Variants in SMARCC1 observed in about 807,000 individuals in gnomAD.
SMARCC1 encodes the protein SWI/SNF related BAF chromatin remodeling complex subunit C1.
In SMARCC1, 43 loss-of-function variants were observed where a neutral mutation model predicts 147.4. The ratio of observed to expected loss-of-function variants is 0.29; its 90% CI spans 0.23 to 0.38. The LOEUF is 0.38. Ranked by LOEUF, SMARCC1 falls within the 10% of genes least tolerant of loss-of-function variation. SMARCC1 has a pLI of 1.00. For missense variants in SMARCC1, 1,119 were observed against 1,381.1 expected (o/e 0.81, Z 3.01); for synonymous variants, 495 against 484.4 (o/e 1.02, Z -0.29).
intron 14 of SMARCC1, among the ~76,000 whole-genome samples, chr3:47,682,854 G>C (rs1010856092): frequency 4.6e-5 from 7 of 152,146 alleles, no homozygotes; most frequent in South Asian, 2.1e-4. Context: ...GCAAAATTGT[G>C]AATGTTTAAA....
intron 2 of SMARCC1, among the ~76,000 whole-genome samples, chr3:47,752,929 A>C (rs2034644168): frequency 6.6e-6 from 1 of 152,126 alleles, no homozygotes; most frequent in East Asian, 1.9e-4. Context: ...GCTTTTAATA[A>C]ACAATTCTAT....
At chr3:47,682,585 G>A (rs1325925126) in intron 14 of SMARCC1, among the ~76,000 whole-genome samples, 3 of 152,096 alleles carry the variant, frequency 2.0e-5, no homozygotes, top group Non-Finnish European at 2.9e-5. Context: ...GAAAAAGAAT[G>A]CCGGTTTCTC....
At chr3:47,684,881 C>A (rs2033701585) in intron 14 of SMARCC1, among the ~76,000 whole-genome samples, 1 of 152,022 alleles carries the variant, frequency 6.6e-6, no homozygotes, top group African/African-American at 2.4e-5. Context: ...ATACCTATGA[C>A]AAAGTTTAAT....
chr3:47,778,178 G>A (rs1249479759), intron 1 of SMARCC1, among the ~76,000 whole-genome samples: 4 of 118,884 alleles, frequency 3.4e-5, no homozygotes, highest in African/African-American at 6.8e-5. Context: ...GCAGAAGAGC[G>A]AGACTCCATC....
chr3:47,687,398 A>AG (rs2033738962), intron 13 of SMARCC1, among the ~76,000 whole-genome samples: 1 of 152,240 alleles, frequency 6.6e-6, no homozygotes, highest in South Asian at 2.1e-4. Context: ...AAACAGGAAG[A>AG]GGCTGGCATT....
At chr3:47,772,336 T>C (rs1219158902) in intron 2 of SMARCC1, among the ~76,000 whole-genome samples, 1 of 152,208 alleles carries the variant, frequency 6.6e-6, no homozygotes, top group Non-Finnish European at 1.5e-5. Context: ...AAGGCTGCAG[T>C]GCGCTGTGAT....
intron 25 of SMARCC1, among the ~76,000 whole-genome samples, chr3:47,618,441 G>T (rs936433547): frequency 6.6e-6 from 1 of 151,876 alleles, no homozygotes; most frequent in East Asian, 1.9e-4. Context: ...AGCTGCTTGG[G>T]GAGGCTGAGG....
intron 12 of SMARCC1, among the ~76,000 whole-genome samples, chr3:47,691,953 C>T (rs1007969468): frequency 2.0e-5 from 3 of 152,106 alleles, no homozygotes; most frequent in Admixed American, 6.6e-5. Flanking sequence ...TAACCAAGAT[C>T]GTGCCACTGT....
At chr3:47,718,122 G>A (rs2034180890) in intron 7 of SMARCC1, among the ~76,000 whole-genome samples, 1 of 121,230 alleles carries the variant, frequency 8.2e-6, no homozygotes. Context: ...CTGGGTAACA[G>A]AGCAAGACCT....
At chr3:47,654,780 A>G (rs964674397) in intron 21 of SMARCC1, among the ~76,000 whole-genome samples, 1 of 152,222 alleles carries the variant, frequency 6.6e-6, no homozygotes, top group African/African-American at 2.4e-5. Flanking sequence ...CATTACTGGG[A>G]TAACTAATCC....
intron 2 of SMARCC1, among the ~76,000 whole-genome samples, chr3:47,761,735 A>G (rs537566689): frequency 1.3e-5 from 2 of 152,208 alleles, no homozygotes; most frequent in African/African-American, 2.4e-5. Flanking sequence ...AAACAATACC[A>G]TTCTCACATA....
At chr3:47,648,986 C>T (rs1008122693) in intron 21 of SMARCC1, among the ~76,000 whole-genome samples, 7 of 152,154 alleles carry the variant, frequency 4.6e-5, no homozygotes, top group Non-Finnish European at 1.0e-4. Context: ...AAATATACAT[C>T]CTACTACCTA....
chr3:47,604,993 G>A (rs536936738), intron 26 of SMARCC1, among the ~76,000 whole-genome samples: 95 of 152,268 alleles, frequency 6.2e-4, no homozygotes, highest in Non-Finnish European at 1.2e-3. Context: ...AAGCCACCGC[G>A]CCCAGCCTAA....
In SMARCC1 at chr3:47,615,445, C is replaced by T. The variant is rs548806730; in HGVS notation, c.2782-5118G>A. Among the ~76,000 whole-genome samples, 471 of 152,292 alleles carry T rather than the reference C, an allele frequency of 3.1e-3. 6 individuals carry two copies. The highest frequency in any genetic ancestry group is 0.027 in the Middle Eastern group (8 of 292). Reference sequence around the variant, plus strand: ...TCTTTTCATATTTCAAGAGCTGGGCCTTTCTTACAAATCATTATCAATCCT... The same window carrying T: ...TCTTTTCATATTTCAAGAGCTGGGCTTTTCTTACAAATCATTATCAATCCT... On this transcript the variant is annotated intron_variant, in intron 25 of 27. Transcript: ENST00000254480.
intron 21 of SMARCC1, among the ~76,000 whole-genome samples, chr3:47,648,124 A>C (rs2033141748): frequency 6.6e-6 from 1 of 151,858 alleles, no homozygotes; most frequent in African/African-American, 2.4e-5. Flanking sequence ...CCTCCCAAAC[A>C]GCTGAGATTA....
At chr3:47,758,922 C>A (rs1371984251) in intron 2 of SMARCC1, among the ~76,000 whole-genome samples, 3 of 151,646 alleles carry the variant, frequency 2.0e-5, no homozygotes, top group Non-Finnish European at 4.4e-5. Context: ...GAGGCTGAGG[C>A]AGGAGAATCA....
At chr3:47,730,074 G>C (rs1265195385) in intron 5 of SMARCC1, among the ~76,000 whole-genome samples, 2 of 152,166 alleles carry the variant, frequency 1.3e-5, no homozygotes, top group Non-Finnish European at 2.9e-5. Flanking sequence ...AGCTATTCAA[G>C]AGGCTGAGGC....
At chr3:47,671,793 A>G (rs2033505979) in intron 18 of SMARCC1, among the ~76,000 whole-genome samples, 1 of 152,178 alleles carries the variant, frequency 6.6e-6, no homozygotes, top group Non-Finnish European at 1.5e-5. Context: ...TCAAAACTCT[A>G]TTTTGAGAGA....
chr3:47,657,063 A>C (rs1229933870), intron 21 of SMARCC1, among the ~76,000 whole-genome samples: 1 of 152,234 alleles, frequency 6.6e-6, no homozygotes, highest in African/African-American at 2.4e-5. Flanking sequence ...GGTTCAATAC[A>C]TCAAAAAGAT....
Sources: allele counts gnomAD v4.1 joint callset (sites outside exome capture counted in the v4.1 genomes callset), GRCh38; gene constraint gnomAD v4.1.1; transcripts MANE v1.5; gene names NCBI Gene and HGNC (gene_info 2026-07-23, HGNC 2026-07-21).